Variants in ADAMTS12 observed in about 807,000 individuals in gnomAD.
ADAMTS12 encodes ADAM metallopeptidase with thrombospondin type 1 motif 12, also known as A disintegrin and metalloproteinase with thrombospondin motifs 12.
In ADAMTS12, 118 loss-of-function variants were observed where a neutral mutation model predicts 167.8. That is an observed-to-expected ratio of 0.70 (90% confidence interval 0.61 to 0.82). ADAMTS12 has a LOEUF of 0.82. Among genes scored for constraint, ADAMTS12 ranks in the 40% least tolerant of loss-of-function variants. The pLI, the probability that ADAMTS12 is intolerant of heterozygous loss-of-function variation, is 0.00. For synonymous variants in ADAMTS12, 704 were observed against 716.9 expected (o/e 0.98, Z 0.29); for missense variants, 1,916 against 1,998.8 (o/e 0.96, Z 0.79).
chr5:33,818,497 T>A (rs190374395), intron 2 of ADAMTS12, among the ~76,000 whole-genome samples: 15 of 152,282 alleles, frequency 9.9e-5, no homozygotes, highest in Admixed American at 6.5e-4. Context: ...GATACTTAAG[T>A]TTTTTCCATA....
chr5:33,803,311 G>A (rs569296178), intron 2 of ADAMTS12, among the ~76,000 whole-genome samples: 3 of 152,316 alleles, frequency 2.0e-5, no homozygotes, highest in East Asian at 1.9e-4. Context: ...ACTGGTGACC[G>A]GACATAAGCC....
chr5:33,562,696 T>C (rs913933260), intron 19 of ADAMTS12, among the ~76,000 whole-genome samples: 1 of 151,772 alleles, frequency 6.6e-6, no homozygotes, highest in Non-Finnish European at 1.5e-5. Flanking sequence ...TAGTGGCATG[T>C]TCTTGGCTCA....
intron 2 of ADAMTS12, among the ~76,000 whole-genome samples, chr5:33,867,447 T>C (rs377449777): frequency 4.6e-5 from 7 of 152,216 alleles, no homozygotes; most frequent in South Asian, 4.1e-4. Context: ...TCATGGACTT[T>C]GGAGACTCAG....
chr5:33,822,549 T>C (rs1003578299), intron 2 of ADAMTS12, among the ~76,000 whole-genome samples: 1 of 152,162 alleles, frequency 6.6e-6, no homozygotes, highest in Non-Finnish European at 1.5e-5. Flanking sequence ...ATCAAGTGTT[T>C]TTCAACTTAT....
chr5:33,544,100 T>C (rs926083655), intron 22 of ADAMTS12, among the ~76,000 whole-genome samples: 1 of 152,216 alleles, frequency 6.6e-6, no homozygotes, highest in Non-Finnish European at 1.5e-5. Flanking sequence ...CATGATTTTA[T>C]ATTTAGAAAA....
intron 2 of ADAMTS12, among the ~76,000 whole-genome samples, chr5:33,775,738 C>G (rs1159234013): frequency 6.6e-6 from 1 of 152,202 alleles, no homozygotes; most frequent in African/African-American, 2.4e-5. Flanking sequence ...AGCCTGCAGC[C>G]TGGTGCAGAG....
At chr5:33,577,937 A>G (rs975637085) in intron 18 of ADAMTS12, among the ~76,000 whole-genome samples, 2 of 152,242 alleles carry the variant, frequency 1.3e-5, no homozygotes, top group Admixed American at 6.5e-5. Context: ...GAATCCTAAC[A>G]GAACAGGCCT....
chr5:33,736,084 C>T (rs1744365232), intron 3 of ADAMTS12, among the ~76,000 whole-genome samples: 2 of 148,762 alleles, frequency 1.3e-5, no homozygotes, highest in African/African-American at 5.0e-5. Flanking sequence ...TTTTTTGACA[C>T]AGAGTCTCAC....
chr5:33,833,793 C>T (rs147988541), intron 2 of ADAMTS12, among the ~76,000 whole-genome samples: 5 of 152,138 alleles, frequency 3.3e-5, no homozygotes, highest in Non-Finnish European at 7.4e-5. Context: ...ATTCATGACT[C>T]GGGAAATGAT....
chr5:33,641,364 G>A (rs1740434998), intron 11 of ADAMTS12, among the ~76,000 whole-genome samples: 1 of 152,074 alleles, frequency 6.6e-6, no homozygotes, highest in Admixed American at 6.6e-5. Context: ...TGTTTTACTA[G>A]TTGCTTAAGG....
At chr5:33,584,638 G>A (rs1295950880) in intron 18 of ADAMTS12, among the ~76,000 whole-genome samples, 2 of 152,120 alleles carry the variant, frequency 1.3e-5, no homozygotes, top group Non-Finnish European at 2.9e-5. Context: ...CAGGCACTAC[G>A]CTAAGTGTTT....
chr5:33,852,016 A>G (rs1037812630), intron 2 of ADAMTS12, among the ~76,000 whole-genome samples: 1 of 152,238 alleles, frequency 6.6e-6, no homozygotes, highest in Non-Finnish European at 1.5e-5. Flanking sequence ...TAGAGGTTGG[A>G]AAAGATAAGA....
chr5:33,779,061 A>T (rs188747819), intron 2 of ADAMTS12, among the ~76,000 whole-genome samples: 1 of 152,140 alleles, frequency 6.6e-6, no homozygotes, highest in Non-Finnish European at 1.5e-5. Flanking sequence ...GTTAGTGGGG[A>T]TGTAAATTAG....
chr5:33,671,793 T>C (rs62349647), intron 5 of ADAMTS12, among the ~76,000 whole-genome samples: 147,189 of 150,174 alleles, frequency 0.98, 72,166 homozygotes, highest in Non-Finnish European at 1. Flanking sequence ...CAACCATATA[T>C]CTACCCACAC....
intron 1 of ADAMTS12, among the ~76,000 whole-genome samples, chr5:33,881,865 T>A (rs1373684217): frequency 6.6e-6 from 1 of 151,904 alleles, no homozygotes; most frequent in African/African-American, 2.4e-5. Flanking sequence ...TGAGCTACCA[T>A]GCCCAGCCAC....
chr5:33,691,253 T>A (rs1026947159), intron 3 of ADAMTS12, among the ~76,000 whole-genome samples: 9 of 152,176 alleles, frequency 5.9e-5, no homozygotes, highest in African/African-American at 1.4e-4. Context: ...TTAGTACATG[T>A]TTACAAAGCT....
At chr5:33,598,734 G>A (rs1029919443) in intron 16 of ADAMTS12, among the ~76,000 whole-genome samples, 5 of 152,194 alleles carry the variant, frequency 3.3e-5, no homozygotes, top group Admixed American at 1.3e-4. Context: ...CTTCGTGAGT[G>A]TGCATATGGC....
chr5:33,644,904 G>T (rs1011440284), intron 9 of ADAMTS12, among the ~76,000 whole-genome samples: 1 of 151,994 alleles, frequency 6.6e-6, no homozygotes. Context: ...CTAATTTTTT[G>T]TATCTGTAGT....
Position 33,658,140 on chromosome 5 carries a change from C to T in ADAMTS12, c.1190+44G>A, listed in dbSNP as rs772550432. ...CTCAAATTCTCTCTGCTGATATTGA[C>T]ACATGAATATGGTGAGCAAACCTCC... On this transcript the variant is annotated intron_variant, in intron 7 of 23. Coordinates refer to ENST00000504830, the MANE Select transcript of ADAMTS12 (RefSeq NM_030955.4). The T allele has an allele frequency of 7.5e-6, 12 of 1,604,800 alleles. No individual in the cohort carries two copies. The Admixed American group carries it at 1.7e-4, about 22-fold the overall frequency.
Sources: gnomAD v4.1 joint callset for allele counts (sites outside exome capture counted in the v4.1 genomes callset) on GRCh38, gnomAD v4.1.1 for gene constraint, MANE v1.5 for transcripts, NCBI Gene and HGNC (gene_info 2026-07-23, HGNC 2026-07-21) for gene names.